The following SNRNP70 variants were observed in gnomAD, a reference collection of about 807,000 sequenced individuals.
SNRNP70 encodes small nuclear ribonucleoprotein U1 subunit 70, also known as U1 small nuclear ribonucleoprotein 70 kDa.
In SNRNP70, 8 loss-of-function variants were observed where a neutral mutation model predicts 50.5. The ratio of observed to expected loss-of-function variants is 0.16; its 90% CI spans 0.09 to 0.29. The LOEUF (loss-of-function observed/expected upper bound fraction) is 0.29. Among genes scored for constraint, SNRNP70 ranks in the 10% least tolerant of loss-of-function variants. The pLI is 1.00. For missense variants in SNRNP70, 529 were observed against 663.5 expected (o/e 0.80, Z 2.23); for synonymous variants, 320 against 252.9 (o/e 1.27, Z -2.52).
chr19:49,103,720 C>T (rs966652990), intron 7 of SNRNP70: 1 of 152,458 alleles, frequency 6.6e-6, no homozygotes, highest in African/African-American at 2.4e-5. Context: ...ACTTTTTGGC[C>T]TTCATGACAG....
At chr19:49,087,154 T>C (rs929916958) in intron 2 of SNRNP70, among the ~76,000 whole-genome samples, 11 of 129,754 alleles carry the variant, frequency 8.5e-5, no homozygotes, top group African/African-American at 3.0e-4. Context: ...CACTCCATCC[T>C]GAGCAACAGA....
intron 8 of SNRNP70, among the ~76,000 whole-genome samples, chr19:49,105,687 C>T (rs1259316056): frequency 6.6e-6 from 1 of 151,958 alleles, no homozygotes; most frequent in East Asian, 1.9e-4. Flanking sequence ...GATAGAGTCA[C>T]TGCATTCCAT....
intron 2 of SNRNP70, among the ~76,000 whole-genome samples, chr19:49,089,656 ATTTTTTT>A (rs71179085): frequency 0.018 from 1,495 of 82,602 alleles, 18 homozygotes; most frequent in Middle Eastern, 0.059. Flanking sequence ...TTGAGACAGG[ATTTTTTT>A]TTTTTTTTTT....
At position 49,104,761 on chromosome 19, in the gene SNRNP70, C is replaced by G; in HGVS notation, c.577+26C>G. 6.9e-7 allele frequency: 1 copy of G among 1,456,708 alleles called. No homozygotes were observed. The highest frequency in any genetic ancestry group is 9.3e-7 in the Non-Finnish European group (1 of 1,079,314). 90.2% of individuals were successfully genotyped at this position (1,456,708 alleles called of 1,614,324 possible). A position where few individuals can be genotyped will look rare whatever the true frequency, so the allele number is the denominator to read the frequency against. On this transcript the variant is annotated intron_variant, in intron 8 of 9. Coordinates refer to ENST00000598441, the MANE Select transcript of SNRNP70 (RefSeq NM_003089.6). This position sits in a 1 kb window ranked among gnomAD's most constrained non-coding sequence, Gnocchi z 5.4. ...GTGAGCACATCCTGCCTTCGACGGGCTCTCGGGGGCCCTGGGCCTGGTGGC... is the reference window on the plus strand; with the variant it reads ...GTGAGCACATCCTGCCTTCGACGGGGTCTCGGGGGCCCTGGGCCTGGTGGC...
chr19:49,088,199 CTTT>C (rs34075997), intron 2 of SNRNP70, among the ~76,000 whole-genome samples: 9 of 94,884 alleles, frequency 9.5e-5, no homozygotes, highest in African/African-American at 1.2e-4. Flanking sequence ...GAGCCAGGTA[CTTT>C]TTTTTTTTTT....
At chr19:49,085,848 C>T (rs2040370942) in intron 1 of SNRNP70, among the ~76,000 whole-genome samples, 1 of 152,162 alleles carries the variant, frequency 6.6e-6, no homozygotes, top group African/African-American at 2.4e-5. Flanking sequence ...CAGGCCCTTG[C>T]GGTGTGTGGC....
rs1337246358 is a variant in SNRNP70 at position 49,107,843 on chromosome 19, G to C, written c.714G>C (p.Glu238Asp). The C allele has an allele frequency of 1.3e-6, 2 of 1,572,044 alleles. No homozygotes were observed. The highest frequency in any genetic ancestry group is 1.2e-5 in the South Asian group (1 of 86,558). The change falls in exon 10 of 10, where the codon GAG becomes GAC. Residue 238 changes from glutamate (E) to aspartate (D), a missense_variant. Physicochemically the swap from Glu to Asp is conservative, Grantham distance 45. Transcript: ENST00000598441. This position sits in a 1 kb window ranked among gnomAD's most constrained non-coding sequence, Gnocchi z 6.0. ...LPHRDRDRDR[E>D]RERRERSRER... ...ACAGGGACCGGGACCGGGACCGTGA[G>C]CGGGAGCGCAGAGAGCGGAGCCGGG...
chr19:49,103,304 T>G (rs1010003831), intron 7 of SNRNP70: 1 of 152,440 alleles, frequency 6.6e-6, no homozygotes, highest in Admixed American at 6.6e-5. Context: ...CCTTGAGATT[T>G]CTTTGGGGTC....
At chr19:49,095,609 A>G (rs1453850006) in intron 4 of SNRNP70, among the ~76,000 whole-genome samples, 2 of 140,356 alleles carry the variant, frequency 1.4e-5, no homozygotes, top group African/African-American at 5.4e-5. Flanking sequence ...ATCTCGGTTT[A>G]CTGCAACCTT....
chr19:49,104,321 T>G lies in SNRNP70; in HGVS notation c.476-313T>G. The stretch of plus-strand genomic sequence containing the variant: ...TTCTTTGCAGCGATTTTGGCCGCCC[T>G]GGCGGGAGGGGGCTGTTCCATCATG... On this transcript the variant is annotated intron_variant, in intron 7 of 9. Coordinates refer to ENST00000598441, the MANE Select transcript of SNRNP70 (RefSeq NM_003089.6). This position sits in a 1 kb window ranked among gnomAD's most constrained non-coding sequence, Gnocchi z 5.4. 1 of 314,698 alleles carries G rather than the reference T, an allele frequency of 3.2e-6. No homozygotes were observed. Among genetic ancestry groups the G allele is most frequent in the Non-Finnish European group, 5.9e-6 (1 of 168,344 alleles). The allele number at this position is 314,698 out of a possible 1,614,324, so 19.5% of individuals were successfully genotyped here.
chr19:49,105,655 G>A (rs1350808976), intron 8 of SNRNP70, among the ~76,000 whole-genome samples: 1 of 152,108 alleles, frequency 6.6e-6, no homozygotes, highest in Admixed American at 6.5e-5. Context: ...AAACCTGGGA[G>A]GCAGAGGTTG....
chr19:49,104,369 CCTAGG>C lies in SNRNP70; in HGVS notation c.476-264_476-260del, dbSNP rs1465313423. 3 of 446,032 alleles carry C rather than the reference CCTAGG, an allele frequency of 6.7e-6. No individual in the cohort carries two copies. The East Asian group carries it at 1.2e-4, about 18-fold the overall frequency. 27.6% of individuals were successfully genotyped at this position (446,032 alleles called of 1,614,324 possible). ...ATGTGGGAGAGGAAGGGCCGGGGAG[CCTAGG>C]GGGTGGCGGGTGAGGGTGGACGTCT... On this transcript the variant is annotated intron_variant, in intron 7 of 9. Coordinates refer to ENST00000598441, the MANE Select transcript of SNRNP70 (RefSeq NM_003089.6). This position sits in a 1 kb window ranked among gnomAD's most constrained non-coding sequence, Gnocchi z 5.4.
rs376433247 is a variant in SNRNP70, at chr19:49,101,217, G to A, written c.394-173G>A. ...TAAGTGTCATTTTCTCCAGGAAGCCGCCTCTGTGTCCTCTGCTCCTGCCAT... is the reference window on the plus strand; with the variant it reads ...TAAGTGTCATTTTCTCCAGGAAGCCACCTCTGTGTCCTCTGCTCCTGCCAT... On this transcript the variant is annotated intron_variant, in intron 6 of 9. Transcript: ENST00000598441. Among the ~76,000 whole-genome samples, 18 of 152,328 alleles carry A rather than the reference G, an allele frequency of 1.2e-4. No individual in the cohort carries two copies. The East Asian group carries it at 1.7e-3, about 15-fold the overall frequency.
chr19:49,107,897 C>G lies in SNRNP70; in HGVS notation c.768C>G (p.Arg256=). Residue 256 remains arginine, a synonymous_variant, in exon 10 of 10, where the codon CGC becomes CGG. Transcript: ENST00000598441. The surrounding 1 kb of genome is among the most constrained non-coding windows in gnomAD (Gnocchi z 6.0). The part of the protein sequence containing the change: ...RERDKERERR[R]SRSRDRRRRS... ...GAGACAAGGAGCGAGAACGGCGACG[C>G]TCCCGCTCCCGGGACCGGCGGAGGC... is the stretch of plus-strand genomic sequence containing the variant. The G allele has an allele frequency of 6.5e-7, 1 of 1,548,490 alleles. No homozygotes were observed. The highest frequency in any genetic ancestry group is 8.7e-7 in the Non-Finnish European group (1 of 1,146,968).
intron 2 of SNRNP70, among the ~76,000 whole-genome samples, chr19:49,090,048 C>T (rs928462183): frequency 6.6e-6 from 1 of 152,084 alleles, no homozygotes; most frequent in Non-Finnish European, 1.5e-5. Flanking sequence ...TAGGCTCAAG[C>T]ATTCTCCCTG....
intron 6 of SNRNP70, 67 bp downstream of exon 6, chr19:49,098,771 A>G (rs769333845): frequency 7.7e-7 from 1 of 1,294,118 alleles, no homozygotes; most frequent in Non-Finnish European, 1.1e-6. Flanking sequence ...CCTGAGAGGG[A>G]GGGAGAGAGG....
intron 7 of SNRNP70, chr19:49,102,234 A>G (rs747361011): frequency 8.8e-6 from 11 of 1,250,436 alleles, no homozygotes; most frequent in Non-Finnish European, 1.2e-5. Context: ...AGCCCAGCTT[A>G]GCCAGGCAGC....
At chr19:49,088,795 A>G (rs926103215) in intron 2 of SNRNP70, among the ~76,000 whole-genome samples, 1 of 152,128 alleles carries the variant, frequency 6.6e-6, no homozygotes, top group Non-Finnish European at 1.5e-5. Context: ...GCACCCTACC[A>G]GCCAGTTCCT....
In SNRNP70 at chr19:49,106,859, G is replaced by A. The variant is rs138850538; in HGVS notation, c.578-766G>A. On this transcript the variant is annotated intron_variant, in intron 8 of 9. Transcript: ENST00000598441. Reference sequence around the variant, plus strand: ...AGCTGCAGCGCCACCTGCTGGTACCGTGAGCAAGAGCTGGGCATGCCCACG... The same window carrying A: ...AGCTGCAGCGCCACCTGCTGGTACCATGAGCAAGAGCTGGGCATGCCCACG... Among the ~76,000 whole-genome samples, 381 of 152,268 alleles carry A rather than the reference G, an allele frequency of 2.5e-3. 1 individual carries two copies. Among genetic ancestry groups the A allele is most frequent in the African/African-American group, 8.0e-3 (332 of 41,538 alleles).
Sources: allele counts gnomAD v4.1 joint callset (sites outside exome capture counted in the v4.1 genomes callset), GRCh38; gene constraint gnomAD v4.1.1; non-coding constraint Gnocchi (gnomAD v3.1); transcripts MANE v1.5; gene names NCBI Gene and HGNC (gene_info 2026-07-23, HGNC 2026-07-21).